WWC1: variants seen among roughly 807,000 people sequenced by gnomAD.
WWC1 encodes WW and C2 domain containing 1.
WWC1 carries 55 observed loss-of-function variants against 138.4 expected under a neutral mutation model. That is an observed-to-expected ratio of 0.40 (90% CI 0.32 to 0.50). WWC1 has a LOEUF of 0.50. Ranked by LOEUF, WWC1 falls within the 20% of genes least tolerant of loss-of-function variation. The pLI is 0.72. For missense variants in WWC1, 1,226 were observed against 1,420.4 expected, an observed-to-expected ratio of 0.86 and a Z score of 2.20; for synonymous variants, 524 against 564.9, an observed-to-expected ratio of 0.93 and a Z score of 1.03.
chr5:168,318,664 A>G (rs961582095), intron 1 of WWC1, among the ~76,000 whole-genome samples: 2 of 150,232 alleles, frequency 1.3e-5, no homozygotes, highest in Non-Finnish European at 2.9e-5. Context: ...GGTTCAAGCT[A>G]TTCTCCTGCC....
At chr5:168,395,316 A>G (rs1470849963) in intron 3 of WWC1, among the ~76,000 whole-genome samples, 1 of 152,128 alleles carries the variant, frequency 6.6e-6, no homozygotes, top group Non-Finnish European at 1.5e-5. Flanking sequence ...GCTCCGCCCC[A>G]CACCCCTTGA....
At chr5:168,347,333 C>T (rs981865479) in intron 1 of WWC1, among the ~76,000 whole-genome samples, 1 of 152,206 alleles carries the variant, frequency 6.6e-6, no homozygotes, top group Non-Finnish European at 1.5e-5. Flanking sequence ...ACTGCTTATT[C>T]AGCTCACCAG....
chr5:168,455,270 A>T, intron 18 of WWC1, 86 bp from the exon 19 acceptor site: 9 of 1,444,724 alleles, frequency 6.2e-6, no homozygotes, highest in Non-Finnish European at 8.3e-6. Flanking sequence ...AGGTGACAGG[A>T]GGGAAGAGGA....
At chr5:168,391,314 C>G (rs1778470134) in intron 3 of WWC1, among the ~76,000 whole-genome samples, 1 of 152,104 alleles carries the variant, frequency 6.6e-6, no homozygotes, top group Non-Finnish European at 1.5e-5. Flanking sequence ...GTGGGAGGAT[C>G]GCTTGAGCCC....
chr5:168,388,239 C>G (rs1310340673), intron 3 of WWC1, among the ~76,000 whole-genome samples: 1 of 152,010 alleles, frequency 6.6e-6, no homozygotes, highest in Non-Finnish European at 1.5e-5. Flanking sequence ...ATCAAGAGCA[C>G]AGCCAGACAA....
chr5:168,455,408 G>A lies in WWC1; in HGVS notation c.2711G>A (p.Arg904Gln), dbSNP rs1300063000. 9.9e-6 allele frequency: 16 copies of A among 1,609,878 alleles called. No individual in the cohort carries two copies. The highest frequency in any genetic ancestry group is 8.4e-5 in the Admixed American group (5 of 59,388). ...ETPAPSPTVV[R>Q]PKDRRVGTPS... ...CCGGCCCCATCCCCCACAGTGGTGCGACCTAAGGACCGGAGAGTGGGCACC... is the reference window on the plus strand; with the variant it reads ...CCGGCCCCATCCCCCACAGTGGTGCAACCTAAGGACCGGAGAGTGGGCACC... The change falls in exon 19 of 23, where the codon CGA becomes CAA. Residue 904 changes from arginine to glutamine, a missense_variant. Coordinates refer to ENST00000265293, the MANE Select transcript of WWC1 (RefSeq NM_015238.3).
At chr5:168,348,752 A>C (rs1341275462) in intron 1 of WWC1, among the ~76,000 whole-genome samples, 1 of 152,184 alleles carries the variant, frequency 6.6e-6, no homozygotes, top group African/African-American at 2.4e-5. Context: ...AGCCATCCTG[A>C]AGGTAGCCCA....
intron 2 of WWC1, among the ~76,000 whole-genome samples, chr5:168,379,480 A>G (rs1777458741): frequency 6.6e-6 from 1 of 152,056 alleles, no homozygotes; most frequent in Admixed American, 6.5e-5. Flanking sequence ...GCTCACTGCA[A>G]CCTCTGCCTC....
At position 168,300,658 on chromosome 5, in the gene WWC1, C is replaced by T. The variant is rs186997816; in HGVS notation, c.119+8387C>T. ...TTTTTTTTTCTTCTCTTGCTCCATTCATCACTCTCTGGCAGCGAGGACACC... is the reference window on the plus strand; with the variant it reads ...TTTTTTTTTCTTCTCTTGCTCCATTTATCACTCTCTGGCAGCGAGGACACC... On this transcript the variant is annotated intron_variant, in intron 1 of 22. Coordinates refer to ENST00000265293, the MANE Select transcript of WWC1 (RefSeq NM_015238.3). Among the ~76,000 whole-genome samples the T allele has an allele frequency of 1.9e-4, 29 of 151,608 alleles. No individual in the cohort carries two copies. In the East Asian group the frequency reaches 5.6e-3, roughly 29 times the overall value.
intron 1 of WWC1, among the ~76,000 whole-genome samples, chr5:168,293,224 T>TAGA (rs1769226157): frequency 6.6e-6 from 1 of 152,134 alleles, no homozygotes; most frequent in African/African-American, 2.4e-5. Flanking sequence ...ACATTCACCC[T>TAGA]CTCCATGTAT....
rs1181765265 is a variant in WWC1, at chr5:168,464,773, C to G, written c.2961C>G (p.Thr987=). The G allele has an allele frequency of 6.2e-7, 1 of 1,614,096 alleles. No individual in the cohort carries two copies. Among genetic ancestry groups the G allele is most frequent in the African/African-American group, 1.3e-5 (1 of 74,934 alleles). ...KSLRSERLIR[T]SLDLELDLQA... is the part of the protein sequence containing the mutation. ...TGCGCTCCGAGCGTCTGATCCGTAC[C>G]TCGCTGGACCTGGAGTTAGACCTGC... Residue 987 remains threonine (T), a synonymous_variant, in exon 21 of 23, where the codon ACC becomes ACG. Coordinates refer to ENST00000265293, the MANE Select transcript of WWC1 (RefSeq NM_015238.3).
rs1444968595 is a variant in WWC1 at position 168,410,006 on chromosome 5, T to A, written c.941+11T>A. On this transcript the variant is annotated intron_variant, in intron 8 of 22. Coordinates refer to ENST00000265293, the MANE Select transcript of WWC1 (RefSeq NM_015238.3). ...AGAGGCTAAGAGAAGGTAATTGGGC[T>A]GGGGCTAGGGGCGGGATGGTTCCAA... The A allele has an allele frequency of 6.2e-7, 1 of 1,611,550 alleles. No homozygotes were observed. The highest frequency in any genetic ancestry group is 8.5e-7 in the Non-Finnish European group (1 of 1,178,776).
intron 1 of WWC1, among the ~76,000 whole-genome samples, chr5:168,331,951 G>C (rs1773067692): frequency 6.6e-6 from 1 of 152,086 alleles, no homozygotes; most frequent in African/African-American, 2.4e-5. Context: ...TTTGAGACCA[G>C]CCTGGCCAAC....
chr5:168,321,930 TTTCTC>T (rs1442054389), intron 1 of WWC1, among the ~76,000 whole-genome samples: 2 of 152,236 alleles, frequency 1.3e-5, no homozygotes, highest in Admixed American at 6.5e-5. Flanking sequence ...AGGTTTTTCT[TTTCTC>T]TTTTAAGCCT....
At chr5:168,425,213 CTTAGGCTGG>C (rs539476131) in intron 11 of WWC1, among the ~76,000 whole-genome samples, 210 of 152,248 alleles carry the variant, frequency 1.4e-3, no homozygotes, top group African/African-American at 4.7e-3. Flanking sequence ...ATTGTCATGC[CTTAGGCTGG>C]GAGGCAGTTC....
At chr5:168,300,557 A>C (rs958859909) in intron 1 of WWC1, among the ~76,000 whole-genome samples, 4 of 148,616 alleles carry the variant, frequency 2.7e-5, no homozygotes, top group African/African-American at 1.0e-4. Context: ...ACGGAGGCTT[A>C]AGTTCTCACT....
Position 168,325,106 on chromosome 5 carries a change from G to T in WWC1, c.119+32835G>T, listed in dbSNP as rs191279778. The stretch of plus-strand genomic sequence containing the variant: ...TCGCTGGCAAGGGCAGAAGTGGGCA[G>T]AAGCAAGCTAACCTCCATGGCCTCA... On this transcript the variant is annotated intron_variant, in intron 1 of 22. Coordinates refer to ENST00000265293, the MANE Select transcript of WWC1 (RefSeq NM_015238.3). Among the ~76,000 whole-genome samples the T allele has an allele frequency of 2.0e-5, 3 of 152,358 alleles. No homozygotes were observed. The East Asian group carries it at 5.8e-4, about 29-fold the overall frequency.
At chr5:168,295,719 T>C (rs1429016999) in intron 1 of WWC1, among the ~76,000 whole-genome samples, 1 of 152,194 alleles carries the variant, frequency 6.6e-6, no homozygotes, top group Non-Finnish European at 1.5e-5. Flanking sequence ...TTTTGTGTGC[T>C]GGCCGGCCAG....
intron 5 of WWC1, among the ~76,000 whole-genome samples, chr5:168,403,159 G>A (rs1328130817): frequency 2.7e-5 from 4 of 150,586 alleles, no homozygotes; most frequent in Non-Finnish European, 4.4e-5. Flanking sequence ...GTGCAGTGGC[G>A]CAATCTCAGT....
Sources: gnomAD v4.1 joint callset for allele counts (sites outside exome capture counted in the v4.1 genomes callset) on GRCh38, gnomAD v4.1.1 for gene constraint, MANE v1.5 for transcripts, NCBI Gene and HGNC (gene_info 2026-07-23, HGNC 2026-07-21) for gene names.